ME1: variants seen among roughly 807,000 people sequenced by gnomAD.
The protein encoded by ME1 is NADP-dependent malic enzyme.
ME1 carries 74 observed loss-of-function variants against 66.4 expected under a neutral mutation model. That is an observed-to-expected ratio of 1.11 (90% confidence interval 0.92 to 1.35). The LOEUF is 1.35. Among genes scored for constraint, ME1 ranks in the 40% most tolerant of loss-of-function variants. The pLI is 0.00. For synonymous variants in ME1, 251 were observed against 235.6 expected (o/e 1.07, Z -0.60); for missense variants, 750 against 694.1 (o/e 1.08, Z -0.90).
intron 7 of ME1, among the ~76,000 whole-genome samples, chr6:83,252,452 A>G (rs1464091075): frequency 1.3e-5 from 2 of 152,158 alleles, no homozygotes; most frequent in African/African-American, 4.8e-5. Context: ...GGCACACACC[A>G]TCATGCCAGG....
At chr6:83,270,325 C>G (rs1484156756) in intron 6 of ME1, among the ~76,000 whole-genome samples, 2 of 152,094 alleles carry the variant, frequency 1.3e-5, no homozygotes, top group African/African-American at 2.4e-5. Flanking sequence ...CTAAACTGCA[C>G]AACAAATCAG....
At chr6:83,240,229 A>T (rs1475316315) in intron 7 of ME1, among the ~76,000 whole-genome samples, 1 of 152,018 alleles carries the variant, frequency 6.6e-6, no homozygotes, top group African/African-American at 2.4e-5. Context: ...GGAGGACACA[A>T]ATAGTAAATT....
chr6:83,378,213 A>G (rs1330402732), intron 3 of ME1, among the ~76,000 whole-genome samples: 3 of 152,164 alleles, frequency 2.0e-5, no homozygotes, highest in African/African-American at 7.2e-5. Flanking sequence ...TGGGGAAAAG[A>G]CAGGAAAAAG....
intron 1 of ME1, among the ~76,000 whole-genome samples, chr6:83,424,761 G>A (rs1770336832): frequency 6.6e-6 from 1 of 152,120 alleles, no homozygotes; most frequent in South Asian, 2.1e-4. Context: ...ACACTGGGTG[G>A]CTTAAACATA....
At chr6:83,367,094 C>T (rs577190186) in intron 3 of ME1, among the ~76,000 whole-genome samples, 8 of 152,292 alleles carry the variant, frequency 5.3e-5, no homozygotes, top group African/African-American at 1.4e-4. Context: ...CCTCCTTGTA[C>T]ATCTCCATCA....
chr6:83,322,991 G>A (rs950825509), intron 5 of ME1, among the ~76,000 whole-genome samples: 1 of 152,134 alleles, frequency 6.6e-6, no homozygotes, highest in African/African-American at 2.4e-5. Context: ...AGAGAGTGGG[G>A]GCCAACATTC....
intron 3 of ME1, among the ~76,000 whole-genome samples, chr6:83,377,941 T>A (rs1465801068): frequency 1.3e-5 from 2 of 152,102 alleles, no homozygotes; most frequent in East Asian, 3.9e-4. Context: ...AATCATGAAA[T>A]TATTCAAACC....
chr6:83,349,548 G>A (rs967868226), intron 4 of ME1, among the ~76,000 whole-genome samples: 1 of 152,120 alleles, frequency 6.6e-6, no homozygotes, highest in African/African-American at 2.4e-5. Flanking sequence ...AACACACAAA[G>A]ATACTCTCCA....
At chr6:83,228,763 A>G (rs1043015892) in intron 10 of ME1, 63 bp downstream of exon 10, 21 of 1,044,734 alleles carry the variant, frequency 2.0e-5, no homozygotes, top group Non-Finnish European at 2.8e-5. Context: ...AAAAATTGGT[A>G]GTAAAAAAAA....
chr6:83,243,740 T>TA (rs1298907535), intron 7 of ME1, among the ~76,000 whole-genome samples: 2 of 132,446 alleles, frequency 1.5e-5, no homozygotes, highest in African/African-American at 5.8e-5. Context: ...TAATATATAA[T>TA]TATATTATAT....
chr6:83,261,705 A>G (rs1766892192), intron 6 of ME1, among the ~76,000 whole-genome samples: 1 of 152,098 alleles, frequency 6.6e-6, no homozygotes, highest in African/African-American at 2.4e-5. Context: ...AAGATGAAGC[A>G]CAAAACGTGA....
At chr6:83,366,253 G>C (rs927119114) in intron 3 of ME1, among the ~76,000 whole-genome samples, 7 of 152,122 alleles carry the variant, frequency 4.6e-5, no homozygotes, top group Non-Finnish European at 1.0e-4. Flanking sequence ...TTCACTGCTA[G>C]GCTAGCTCCT....
At chr6:83,368,105 T>G (rs189535316) in intron 3 of ME1, among the ~76,000 whole-genome samples, 1 of 151,892 alleles carries the variant, frequency 6.6e-6, no homozygotes, top group Non-Finnish European at 1.5e-5. Flanking sequence ...AGTGGGGCAG[T>G]TGGAAAACAC....
At chr6:83,411,399 TA>T (rs1770046698) in intron 1 of ME1, among the ~76,000 whole-genome samples, 1 of 152,116 alleles carries the variant, frequency 6.6e-6, no homozygotes, top group Non-Finnish European at 1.5e-5. Flanking sequence ...TGACTGGGTT[TA>T]CATTCTATTA....
At chr6:83,249,867 C>T (rs1790691926) in intron 7 of ME1, among the ~76,000 whole-genome samples, 1 of 152,102 alleles carries the variant, frequency 6.6e-6, no homozygotes, top group African/African-American at 2.4e-5. Flanking sequence ...AGGCCTTTCC[C>T]CCATCTAACA....
intron 3 of ME1, chr6:83,393,155 A>T: frequency 7.5e-7 from 1 of 1,325,338 alleles, no homozygotes; most frequent in Non-Finnish European, 1.1e-6. Flanking sequence ...GTCTGGAAAA[A>T]CCTACCAAAT....
At chr6:83,219,825 C>T (rs764626189) in intron 12 of ME1, among the ~76,000 whole-genome samples, 3 of 150,464 alleles carry the variant, frequency 2.0e-5, no homozygotes, top group African/African-American at 2.4e-5. Flanking sequence ...TGAGCTCAAG[C>T]GATCCACCTA....
intron 6 of ME1, among the ~76,000 whole-genome samples, chr6:83,269,702 C>T (rs916404999): frequency 2.6e-5 from 4 of 152,050 alleles, no homozygotes; most frequent in Non-Finnish European, 5.9e-5. Flanking sequence ...TAGTAACTAA[C>T]GCATTCTGGT....
At chr6:83,259,066 A>C (rs1482493993) in intron 6 of ME1, among the ~76,000 whole-genome samples, 1 of 152,202 alleles carries the variant, frequency 6.6e-6, no homozygotes, top group African/African-American at 2.4e-5. Flanking sequence ...ATAACTGATC[A>C]AGAATTCACT....
Sources: allele counts gnomAD v4.1 joint callset (sites outside exome capture counted in the v4.1 genomes callset), GRCh38; gene constraint gnomAD v4.1.1; transcripts MANE v1.5; gene names NCBI Gene and HGNC (gene_info 2026-07-23, HGNC 2026-07-21).